The following EIF3H variants were observed in gnomAD, a reference collection of about 807,000 sequenced individuals.
The protein encoded by EIF3H is eIF-3-gamma.
Under a neutral mutation model 44.2 loss-of-function variants are expected in EIF3H, and 26 were observed. The observed-to-expected ratio is 0.59, with a 90% CI of 0.43 to 0.82. The LOEUF (loss-of-function observed/expected upper bound fraction) is 0.82. Ranked by LOEUF, EIF3H falls within the 40% of genes least tolerant of loss-of-function variation. EIF3H has a pLI of 0.00. For synonymous variants in EIF3H, 166 were observed against 151.9 expected (o/e 1.09, Z -0.68); for missense variants, 359 against 432.8 (o/e 0.83, Z 1.51).
At chr8:116,655,765 T>G (rs1813478394) in intron 5 of EIF3H, 91 bp downstream of exon 5, 7 of 1,329,612 alleles carry the variant, frequency 5.3e-6, no homozygotes, top group Middle Eastern at 1.8e-4. Flanking sequence ...CTTAAGTAAC[T>G]GTTTTCTTGT....
In EIF3H at chr8:116,682,562, A is replaced by G. The variant is rs148766879; in HGVS notation, c.290-23582T>C. ...CCGTCACAAAACACTTCCTAGGTCT[A>G]TATCACCTTTCAAGAGGATAAAAGA... On this transcript the variant is annotated intron_variant, in intron 2 of 7. Coordinates refer to ENST00000521861, the MANE Select transcript of EIF3H (RefSeq NM_003756.3). 6.6e-5 allele frequency among the ~76,000 whole-genome samples: 10 copies of G among 152,330 alleles called. No homozygotes were observed. In the East Asian group the frequency reaches 1.7e-3, roughly 26 times the overall value.
chr8:116,667,680 A>T (rs1813692267), intron 2 of EIF3H, among the ~76,000 whole-genome samples: 1 of 152,208 alleles, frequency 6.6e-6, no homozygotes. Flanking sequence ...GTACACACAA[A>T]AGTGTGGTGA....
At chr8:116,761,695 G>A (rs1442102889) in intron 1 of EIF3H, among the ~76,000 whole-genome samples, 1 of 152,102 alleles carries the variant, frequency 6.6e-6, no homozygotes, top group East Asian at 1.9e-4. Flanking sequence ...ACTGATGATG[G>A]GCACTTCCTG....
chr8:116,671,642 C>A (rs1813757398), intron 2 of EIF3H, among the ~76,000 whole-genome samples: 1 of 152,216 alleles, frequency 6.6e-6, no homozygotes, highest in Non-Finnish European at 1.5e-5. Context: ...ACAGAGAAAG[C>A]TCCTGCAGCT....
intron 1 of EIF3H, among the ~76,000 whole-genome samples, chr8:116,752,736 A>AAAGGAGG (rs1435243692): frequency 1.1e-5 from 1 of 87,070 alleles, no homozygotes; most frequent in Non-Finnish European, 2.3e-5. Flanking sequence ...AAGAAAGAAG[A>AAAGGAGG]GAAAGAAAGA....
chr8:116,746,130 C>T (rs1396230102), intron 1 of EIF3H, among the ~76,000 whole-genome samples: 4 of 152,118 alleles, frequency 2.6e-5, no homozygotes, highest in Admixed American at 1.3e-4. Context: ...ACTAAATTGA[C>T]TTCTTATAGC....
chr8:116,660,290 A>G (rs1013707170), intron 2 of EIF3H, among the ~76,000 whole-genome samples: 8 of 152,242 alleles, frequency 5.3e-5, no homozygotes, highest in African/African-American at 1.4e-4. Context: ...CTCAGGTTTT[A>G]GCAAAAGAAA....
chr8:116,731,159 T>C (rs1417177472), intron 1 of EIF3H, among the ~76,000 whole-genome samples: 2 of 152,246 alleles, frequency 1.3e-5, no homozygotes, highest in African/African-American at 4.8e-5. Flanking sequence ...ACATTTGTGA[T>C]ACATATACAC....
chr8:116,654,830 GAGA>G (rs778215829), intron 5 of EIF3H, among the ~76,000 whole-genome samples: 2 of 152,016 alleles, frequency 1.3e-5, no homozygotes, highest in Admixed American at 1.3e-4. Flanking sequence ...CCAGAGCATA[GAGA>G]AGAACATTGA....
At chr8:116,737,754 C>T (rs4876675) in intron 1 of EIF3H, 83,155 of 152,562 alleles carry the variant, frequency 0.55, 24,660 homozygotes, top group Non-Finnish European at 0.67. Context: ...AACAATGAGG[C>T]CAGGTGCGGG....
At chr8:116,653,964 G>T (rs1247107942) in intron 5 of EIF3H, among the ~76,000 whole-genome samples, 1 of 152,146 alleles carries the variant, frequency 6.6e-6, no homozygotes, top group African/African-American at 2.4e-5. Flanking sequence ...ATTTCTGATG[G>T]GGTTTCTTAT....
intron 2 of EIF3H, among the ~76,000 whole-genome samples, chr8:116,694,699 TTTTTG>T (rs1358692290): frequency 1.3e-5 from 2 of 152,256 alleles, no homozygotes. Flanking sequence ...TTTCACAATT[TTTTTG>T]TTTTATGTTG....
intron 2 of EIF3H, among the ~76,000 whole-genome samples, chr8:116,673,704 C>T (rs1280621074): frequency 6.6e-6 from 1 of 152,164 alleles, no homozygotes; most frequent in Admixed American, 6.5e-5. Context: ...GCATCTTTCT[C>T]CTCACAGGCA....
chr8:116,743,799 AACACAC>A (rs368555154), intron 1 of EIF3H, among the ~76,000 whole-genome samples: 2,016 of 86,170 alleles, frequency 0.023, 39 homozygotes, highest in African/African-American at 0.053. Flanking sequence ...TATATATATA[AACACAC>A]ACACACACAC....
rs565519403 is a variant in EIF3H, at chr8:116,710,518, C to A, written c.289+15498G>T. 7.9e-5 allele frequency among the ~76,000 whole-genome samples: 12 copies of A among 152,242 alleles called. No individual in the cohort carries two copies. In the East Asian group the frequency reaches 2.3e-3, roughly 29 times the overall value. On this transcript the variant is annotated intron_variant, in intron 2 of 7. Coordinates refer to ENST00000521861, the MANE Select transcript of EIF3H (RefSeq NM_003756.3). Reference sequence around the variant, plus strand: ...ACCTTCATTTTTATTTAATATAATACCTAGTGTACACCCACAAACTTAACT... The same window carrying A: ...ACCTTCATTTTTATTTAATATAATAACTAGTGTACACCCACAAACTTAACT...
At chr8:116,675,229 T>A (rs1586447301) in intron 2 of EIF3H, among the ~76,000 whole-genome samples, 1 of 152,224 alleles carries the variant, frequency 6.6e-6, no homozygotes, top group East Asian at 1.9e-4. Context: ...CAATAAAACC[T>A]ATTTCAGACA....
At chr8:116,679,624 G>C (rs1461557548) in intron 2 of EIF3H, among the ~76,000 whole-genome samples, 2 of 22,858 alleles carry the variant, frequency 8.7e-5, no homozygotes, top group Non-Finnish European at 1.4e-4. Flanking sequence ...GCCCCGTCCG[G>C]GAGGGAGGTG....
chr8:116,652,874 C>T (rs1813418639), intron 5 of EIF3H, among the ~76,000 whole-genome samples: 1 of 152,144 alleles, frequency 6.6e-6, no homozygotes, highest in Non-Finnish European at 1.5e-5. Context: ...GAGGCACTAG[C>T]TTCAGGTTTC....
chr8:116,712,104 C>T (rs1195764616), intron 2 of EIF3H, among the ~76,000 whole-genome samples: 2 of 152,146 alleles, frequency 1.3e-5, no homozygotes, highest in Non-Finnish European at 2.9e-5. Flanking sequence ...ACTGCTGCTG[C>T]CGCCGCCGCC....
Sources: gnomAD v4.1 joint callset for allele counts (sites outside exome capture counted in the v4.1 genomes callset) on GRCh38, gnomAD v4.1.1 for gene constraint, MANE v1.5 for transcripts, NCBI Gene and HGNC (gene_info 2026-07-23, HGNC 2026-07-21) for gene names.